PPP2R3A: variants seen among roughly 807,000 people sequenced by gnomAD.
PPP2R3A encodes serine/threonine-protein phosphatase 2A regulatory subunit B'' subunit alpha.
In PPP2R3A, 80 loss-of-function variants were observed where a neutral mutation model predicts 106.9. The ratio of observed to expected loss-of-function variants is 0.75; its 90% confidence interval spans 0.62 to 0.90. PPP2R3A has a LOEUF of 0.90. Ranked by LOEUF, PPP2R3A falls within the 40% of genes least tolerant of loss-of-function variation. The probability of loss-of-function intolerance (pLI) is 0.00; values close to 1 mark genes in which losing one functional copy is unlikely to be tolerated. For synonymous variants in PPP2R3A, 483 were observed against 468.3 expected (o/e 1.03, Z -0.41); for missense variants, 1,386 against 1,350.4 (o/e 1.03, Z -0.41).
chr3:136,013,077 A>C (rs908176574), intron 2 of PPP2R3A, among the ~76,000 whole-genome samples: 1 of 152,142 alleles, frequency 6.6e-6, no homozygotes, highest in Non-Finnish European at 1.5e-5. Flanking sequence ...TACTTCACCT[A>C]CAATAGTAGT....
At chr3:136,076,426 T>A (rs554667289) in intron 6 of PPP2R3A, among the ~76,000 whole-genome samples, 25 of 152,202 alleles carry the variant, frequency 1.6e-4, no homozygotes, top group Non-Finnish European at 2.9e-4. Context: ...GCACATTATA[T>A]ATGATTCTAT....
chr3:135,983,571 C>T (rs1252512969), intron 1 of PPP2R3A, among the ~76,000 whole-genome samples: 3 of 152,150 alleles, frequency 2.0e-5, no homozygotes, highest in Non-Finnish European at 4.4e-5. Context: ...TCAAATCCTA[C>T]GTTTTACTCT....
chr3:136,065,359 G>A (rs1936233038), intron 5 of PPP2R3A, among the ~76,000 whole-genome samples: 1 of 152,152 alleles, frequency 6.6e-6, no homozygotes, highest in Non-Finnish European at 1.5e-5. Flanking sequence ...GGAAAGAAGT[G>A]GGGCTAAAGA....
rs540841142 is a variant in PPP2R3A at position 136,137,467 on chromosome 3, T to G, written c.3330-7576T>G. On this transcript the variant is annotated intron_variant, in intron 13 of 13. Coordinates refer to ENST00000264977, the MANE Select transcript of PPP2R3A (RefSeq NM_002718.5). ...ACATTTGGGCAGATTAGAACTGTTTTCTATTGAATGTTTTTAAAGGCAGCT... is the reference window on the plus strand; with the variant it reads ...ACATTTGGGCAGATTAGAACTGTTTGCTATTGAATGTTTTTAAAGGCAGCT... Among the ~76,000 whole-genome samples, 83 of 151,580 alleles carry G rather than the reference T, an allele frequency of 5.5e-4. 1 individual carries two copies. The highest frequency in any genetic ancestry group is 1.4e-3 in the African/African-American group (60 of 41,414).
chr3:136,032,251 G>T (rs1296654846), intron 3 of PPP2R3A, among the ~76,000 whole-genome samples: 2 of 152,024 alleles, frequency 1.3e-5, no homozygotes, highest in African/African-American at 2.4e-5. Flanking sequence ...TAGGTATATT[G>T]CTAAGTATGT....
At chr3:136,044,428 G>A (rs1227909358) in intron 4 of PPP2R3A, among the ~76,000 whole-genome samples, 1 of 151,976 alleles carries the variant, frequency 6.6e-6, no homozygotes, top group East Asian at 1.9e-4. Flanking sequence ...TAGTGAAAGA[G>A]TTACACCAAG....
intron 13 of PPP2R3A, among the ~76,000 whole-genome samples, chr3:136,123,577 A>G (rs1023596362): frequency 1.3e-5 from 2 of 152,184 alleles, no homozygotes; most frequent in African/African-American, 2.4e-5. Context: ...TTGTTTTATA[A>G]ATAGGGTTCT....
chr3:136,000,007 A>T (rs920111734), intron 1 of PPP2R3A, among the ~76,000 whole-genome samples: 1 of 151,594 alleles, frequency 6.6e-6, no homozygotes, highest in African/African-American at 2.4e-5. Context: ...CGCATGCTCC[A>T]CTCTAGGGCC....
chr3:136,142,794 G>A lies in PPP2R3A; in HGVS notation c.3330-2249G>A, dbSNP rs546979391. On this transcript the variant is annotated intron_variant, in intron 13 of 13. Transcript: ENST00000264977. Reference sequence around the variant, plus strand: ...TGAGTCACACTTCACACTTAACTCTGAAAATATGCGTTATTCATAGACCTA... The same window carrying A: ...TGAGTCACACTTCACACTTAACTCTAAAAATATGCGTTATTCATAGACCTA... Among the ~76,000 whole-genome samples, 3 of 151,964 alleles carry A rather than the reference G, an allele frequency of 2.0e-5. No individual in the cohort carries two copies. In the South Asian group the frequency reaches 6.3e-4, roughly 32 times the overall value.
At chr3:136,121,135 T>C (rs1045601586) in intron 13 of PPP2R3A, among the ~76,000 whole-genome samples, 2 of 152,168 alleles carry the variant, frequency 1.3e-5, no homozygotes, top group Non-Finnish European at 2.9e-5. Flanking sequence ...CATGCACTTA[T>C]ACGTCCATCA....
chr3:136,133,783 TA>T (rs1938506141), intron 13 of PPP2R3A, among the ~76,000 whole-genome samples: 1 of 149,762 alleles, frequency 6.7e-6, no homozygotes, highest in African/African-American at 2.4e-5. Context: ...TATGTATATA[TA>T]TATATTTTTA....
chr3:136,058,849 T>C (rs1016029920), intron 5 of PPP2R3A, among the ~76,000 whole-genome samples: 1 of 152,152 alleles, frequency 6.6e-6, no homozygotes, highest in Non-Finnish European at 1.5e-5. Flanking sequence ...ACTGCACAGC[T>C]ACAACTGTCT....
intron 13 of PPP2R3A, among the ~76,000 whole-genome samples, chr3:136,132,007 T>A: frequency 1.2e-5 from 1 of 82,378 alleles, no homozygotes; most frequent in East Asian, 3.7e-4. Flanking sequence ...CACCAGGGCC[T>A]GTCAGGGGGT....
intron 3 of PPP2R3A, among the ~76,000 whole-genome samples, chr3:136,032,526 A>T (rs1368616329): frequency 9.8e-5 from 14 of 143,380 alleles, no homozygotes; most frequent in Admixed American, 2.8e-4. Flanking sequence ...TAATTTATTT[A>T]TTTATTTTTT....
chr3:136,021,862 T>C, intron 2 of PPP2R3A, among the ~76,000 whole-genome samples: 1 of 151,962 alleles, frequency 6.6e-6, no homozygotes, highest in African/African-American at 2.4e-5. Flanking sequence ...ATTTACATAA[T>C]ACTTATATTG....
intron 13 of PPP2R3A, among the ~76,000 whole-genome samples, chr3:136,140,237 G>A (rs936449628): frequency 9.9e-5 from 15 of 151,920 alleles, no homozygotes; most frequent in South Asian, 2.1e-4. Flanking sequence ...TGTTCTCCAC[G>A]TTCTCAAGAA....
intron 5 of PPP2R3A, among the ~76,000 whole-genome samples, chr3:136,064,480 C>T (rs1936195383): frequency 6.6e-6 from 1 of 151,902 alleles, no homozygotes; most frequent in East Asian, 1.9e-4. Context: ...AAATGTGTTT[C>T]AGGGTGTTTC....
chr3:136,000,405 T>G (rs1333395837), intron 1 of PPP2R3A, among the ~76,000 whole-genome samples: 2 of 152,180 alleles, frequency 1.3e-5, no homozygotes, highest in Non-Finnish European at 1.5e-5. Flanking sequence ...TTAAAAAGAA[T>G]GATTAAGTAA....
chr3:136,024,372 A>C (rs769792387), intron 2 of PPP2R3A, among the ~76,000 whole-genome samples: 1 of 152,170 alleles, frequency 6.6e-6, no homozygotes, highest in African/African-American at 2.4e-5. Flanking sequence ...CAAAAGCTCA[A>C]AATAAATGCA....
Sources: allele counts gnomAD v4.1 joint callset (sites outside exome capture counted in the v4.1 genomes callset), GRCh38; gene constraint gnomAD v4.1.1; transcripts MANE v1.5; gene names NCBI Gene and HGNC (gene_info 2026-07-23, HGNC 2026-07-21).